LGSN: variants seen among roughly 807,000 people sequenced by gnomAD.
The protein encoded by LGSN is lengsin, lens protein with glutamine synthetase domain, also known as lengsin.
A neutral mutation model predicts 19.5 loss-of-function variants in LGSN; 21 were observed. The observed-to-expected ratio is 1.07, with a 90% CI of 0.76 to 1.55. The LOEUF (loss-of-function observed/expected upper bound fraction) is 1.55. Ranked by LOEUF, LGSN falls within the 40% of genes most tolerant of loss-of-function variation. The pLI is 0.00. For synonymous variants in LGSN, 257 were observed against 215.6 expected, an observed-to-expected ratio of 1.19 and a Z score of -1.68; for missense variants, 673 against 608.5, an observed-to-expected ratio of 1.11 and a Z score of -1.12.
chr6:63,408,038 G>A, the LGSN span, among the ~76,000 whole-genome samples: 7 of 151,990 alleles, frequency 4.6e-5, no homozygotes, highest in African/African-American at 1.2e-4. Flanking sequence ...GAGGATACAA[G>A]GAAATGGAAG....
At chr6:63,568,716 ATATT>A in the LGSN span, among the ~76,000 whole-genome samples, 28 of 152,330 alleles carry the variant, frequency 1.8e-4, no homozygotes, top group Admixed American at 9.2e-4. Context: ...TGTATACTAC[ATATT>A]TATTTTTAAT....
chr6:63,545,882 G>T, the LGSN span, among the ~76,000 whole-genome samples: 1 of 151,916 alleles, frequency 6.6e-6, no homozygotes, highest in African/African-American at 2.4e-5. Context: ...AGAAAAGAAA[G>T]AAAAATAAAA....
chr6:63,558,060 C>T, the LGSN span, among the ~76,000 whole-genome samples: 5 of 151,850 alleles, frequency 3.3e-5, no homozygotes, highest in South Asian at 2.1e-4. Flanking sequence ...TTAGTAGAGA[C>T]GGGGTTTCAC....
the LGSN span, among the ~76,000 whole-genome samples, chr6:63,421,339 T>C: frequency 6.6e-6 from 1 of 151,894 alleles, no homozygotes; most frequent in Non-Finnish European, 1.5e-5. Flanking sequence ...CAAGAATCAC[T>C]TGAACCTGGG....
intron 3 of LGSN, among the ~76,000 whole-genome samples, chr6:63,282,323 A>C (rs930596199): frequency 2.6e-5 from 4 of 152,148 alleles, no homozygotes; most frequent in African/African-American, 4.8e-5. Flanking sequence ...AACAATCTGC[A>C]AGCCAGACAC....
At chr6:63,439,698 C>T in the LGSN span, among the ~76,000 whole-genome samples, 1 of 152,112 alleles carries the variant, frequency 6.6e-6, no homozygotes, top group Admixed American at 6.6e-5. Flanking sequence ...TATTTTCTTT[C>T]CCAGACTAAA....
chr6:63,306,257 T>G (rs986645093), intron 1 of LGSN, among the ~76,000 whole-genome samples: 48 of 152,312 alleles, frequency 3.2e-4, no homozygotes, highest in African/African-American at 1.1e-3. Context: ...CAAGGTCATA[T>G]CTGAGGAAGA....
At chr6:63,528,383 C>A in the LGSN span, among the ~76,000 whole-genome samples, 1 of 151,552 alleles carries the variant, frequency 6.6e-6, no homozygotes, top group South Asian at 2.1e-4. Context: ...ATCGCTTGAG[C>A]CCAGCAATTA....
chr6:63,507,462 G>A, the LGSN span, among the ~76,000 whole-genome samples: 1 of 151,842 alleles, frequency 6.6e-6, no homozygotes, highest in African/African-American at 2.4e-5. Flanking sequence ...TAAGTCTAAT[G>A]ATACACCCAT....
the LGSN span, among the ~76,000 whole-genome samples, chr6:63,420,042 A>G: frequency 1.3e-5 from 2 of 151,552 alleles, no homozygotes; most frequent in Non-Finnish European, 2.9e-5. Context: ...CTCTACTAAA[A>G]ATACAAAAAA....
the LGSN span, among the ~76,000 whole-genome samples, chr6:63,356,579 G>A: frequency 6.6e-6 from 1 of 151,970 alleles, no homozygotes; most frequent in African/African-American, 2.4e-5. Flanking sequence ...AAATAAAGCA[G>A]AGTAAAAGAA....
the LGSN span, among the ~76,000 whole-genome samples, chr6:63,519,958 T>G: frequency 2.0e-5 from 3 of 152,228 alleles, no homozygotes; most frequent in African/African-American, 4.8e-5. Context: ...CAGTAGATAA[T>G]AATTTTTACC....
intron 3 of LGSN, among the ~76,000 whole-genome samples, chr6:63,282,938 T>C (rs1318026357): frequency 6.6e-6 from 1 of 152,210 alleles, no homozygotes; most frequent in Non-Finnish European, 1.5e-5. Flanking sequence ...ATATTAGTTC[T>C]TTACATATCT....
At chr6:63,403,946 T>TTCTCTC in the LGSN span, among the ~76,000 whole-genome samples, 4 of 148,258 alleles carry the variant, frequency 2.7e-5, no homozygotes, top group South Asian at 2.1e-4. Flanking sequence ...GCCTCTCTCT[T>TTCTCTC]TCTCTCTCTC....
the LGSN span, chr6:63,441,633 G>A: frequency 3.0e-5 from 14 of 470,660 alleles, no homozygotes; most frequent in African/African-American, 2.2e-4. Context: ...ATGCGGAAGC[G>A]GGAGAAGGCA....
chr6:63,445,636 A>T, the LGSN span, among the ~76,000 whole-genome samples: 2 of 152,180 alleles, frequency 1.3e-5, no homozygotes, highest in Non-Finnish European at 2.9e-5. Flanking sequence ...TAATAAAAAT[A>T]AAAAAGAAGA....
At chr6:63,510,660 ATTTT>A in the LGSN span, among the ~76,000 whole-genome samples, 1 of 111,994 alleles carries the variant, frequency 8.9e-6, no homozygotes, top group East Asian at 2.6e-4. Flanking sequence ...CAAGAAGCGA[ATTTT>A]TTTTTTTTTT....
the LGSN span, among the ~76,000 whole-genome samples, chr6:63,428,343 T>C: frequency 6.6e-6 from 1 of 152,048 alleles, no homozygotes. Context: ...ACAGGCATAA[T>C]TATTTATTAT....
the LGSN span, among the ~76,000 whole-genome samples, chr6:63,503,286 C>G: frequency 6.6e-6 from 1 of 152,224 alleles, no homozygotes; most frequent in African/African-American, 2.4e-5. Context: ...TCTATAGATA[C>G]AGACAACAGA....
Sources: allele counts gnomAD v4.1 joint callset (sites outside exome capture counted in the v4.1 genomes callset), GRCh38; gene constraint gnomAD v4.1.1; transcripts MANE v1.5; gene names NCBI Gene and HGNC (gene_info 2026-07-23, HGNC 2026-07-21).